The following ADORA1 variants were observed in gnomAD, a reference collection of about 807,000 sequenced individuals.
ADORA1 encodes the protein adenosine receptor A1.
Under a neutral mutation model 19.9 loss-of-function variants are expected in ADORA1, and 6 were observed. The observed-to-expected ratio is 0.30, with a 90% CI of 0.17 to 0.59. ADORA1 has a LOEUF of 0.59. Among genes scored for constraint, ADORA1 ranks in the 20% least tolerant of loss-of-function variants. The pLI, the probability that ADORA1 is intolerant of heterozygous loss-of-function variation, is 0.87. For missense variants in ADORA1, 302 were observed against 439.2 expected (o/e 0.69, Z 2.79); for synonymous variants, 194 against 188.4 (o/e 1.03, Z -0.24).
rs900500802 is a variant in ADORA1 at position 203,128,366 on chromosome 1, C to T, written c.-124C>T. On this transcript the variant is annotated 5_prime_UTR_variant, in exon 2 of 4. Coordinates refer to ENST00000337894, the MANE Select transcript of ADORA1 (RefSeq NM_000674.3). The surrounding 1 kb of genome is among the most constrained non-coding windows in gnomAD (Gnocchi z 5.9). The stretch of plus-strand genomic sequence containing the variant: ...CCAGCCCAGCCCTACCGCGCGCGGC[C>T]CGGAGCTCTGTTCCCTGGAACTTTG... 7.8e-6 allele frequency: 10 copies of T among 1,290,300 alleles called. No individual in the cohort carries two copies. The highest frequency in any genetic ancestry group is 9.1e-6 in the Non-Finnish European group (9 of 989,456). The allele number at this position is 1,290,300 out of a possible 1,614,324, so 79.9% of individuals were successfully genotyped here.
chr1:203,148,946 C>T (rs112993339), intron 3 of ADORA1, among the ~76,000 whole-genome samples: 4,737 of 152,102 alleles, frequency 0.031, 112 homozygotes, highest in Middle Eastern at 0.051. Flanking sequence ...GGCATGATTT[C>T]GGCTCACTGC....
chr1:203,133,261 A>C (rs2102736181), intron 3 of ADORA1, among the ~76,000 whole-genome samples: 1 of 152,212 alleles, frequency 6.6e-6, no homozygotes, highest in East Asian at 1.9e-4. Flanking sequence ...TTACAGGTGC[A>C]TGCCACCATG....
intron 3 of ADORA1, among the ~76,000 whole-genome samples, chr1:203,143,207 G>T (rs10158984): frequency 0.013 from 1,931 of 152,300 alleles, 63 homozygotes; most frequent in East Asian, 0.11. Context: ...GCACAGTGCT[G>T]GGGTCTGATG....
intron 3 of ADORA1, among the ~76,000 whole-genome samples, chr1:203,152,115 C>T (rs1484794165): frequency 1.3e-5 from 2 of 152,228 alleles, no homozygotes; most frequent in East Asian, 3.9e-4. Context: ...CTCATTCAAT[C>T]CCTCATCATC....
intron 3 of ADORA1, among the ~76,000 whole-genome samples, chr1:203,150,986 C>T (rs1451977699): frequency 6.6e-6 from 1 of 152,220 alleles, no homozygotes; most frequent in Non-Finnish European, 1.5e-5. Flanking sequence ...AGCAGGCATC[C>T]AACCTGCTTT....
At chr1:203,137,200 C>T (rs1571785891) in intron 3 of ADORA1, among the ~76,000 whole-genome samples, 1 of 152,170 alleles carries the variant, frequency 6.6e-6, no homozygotes, top group South Asian at 2.1e-4. Context: ...TGAGGGAACA[C>T]ACCATGCAGA....
rs554962219 is a variant in ADORA1 at position 203,156,020 on chromosome 1, C to T, written c.342-9241C>T. ...GTTGCAGGTCCTTGAGCAATCATTT[C>T]TGAATAAGTGGATGTATGGTTTCAT... On this transcript the variant is annotated intron_variant, in intron 3 of 3. Coordinates refer to ENST00000337894, the MANE Select transcript of ADORA1 (RefSeq NM_000674.3). Among the ~76,000 whole-genome samples, 68 of 152,346 alleles carry T rather than the reference C, an allele frequency of 4.5e-4. 1 individual carries two copies. Among genetic ancestry groups the T allele is most frequent in the African/African-American group, 1.6e-3 (67 of 41,584 alleles).
At chr1:203,133,998 C>T (rs1654425387) in intron 3 of ADORA1, among the ~76,000 whole-genome samples, 2 of 152,214 alleles carry the variant, frequency 1.3e-5, no homozygotes, top group Admixed American at 1.3e-4. Flanking sequence ...GCTCTCAGGT[C>T]ATGCCTTCTG....
At chr1:203,139,927 G>C (rs1385639172) in intron 3 of ADORA1, among the ~76,000 whole-genome samples, 1 of 152,214 alleles carries the variant, frequency 6.6e-6, no homozygotes, top group Non-Finnish European at 1.5e-5. Context: ...TCATGGTCAA[G>C]AGTTTGGATT....
Position 203,165,759 on chromosome 1 carries a change from C to T in ADORA1, c.840C>T (p.Asn280=). The T allele has an allele frequency of 6.2e-7, 1 of 1,614,014 alleles. No individual in the cohort carries two copies. Among genetic ancestry groups the T allele is most frequent in the Non-Finnish European group, 8.5e-7 (1 of 1,179,888 alleles). Reference sequence around the variant, plus strand: ...TTGCCATCTTCCTCACGCACGGCAACTCGGCCATGAACCCCATTGTCTATG... The same window carrying T: ...TTGCCATCTTCCTCACGCACGGCAATTCGGCCATGAACCCCATTGTCTATG... ...TYIAIFLTHG[N]SAMNPIVYAF... Residue 280 remains asparagine (N), a synonymous_variant, in exon 4 of 4, where the codon AAC becomes AAT. Coordinates refer to ENST00000337894, the MANE Select transcript of ADORA1 (RefSeq NM_000674.3). The surrounding 1 kb of genome is among the most constrained non-coding windows in gnomAD (Gnocchi z 5.9).
Position 203,128,792 on chromosome 1 carries a change from C to G in ADORA1, c.-50C>G. The G allele has an allele frequency of 6.5e-7, 1 of 1,546,890 alleles. No homozygotes were observed. On this transcript the variant is annotated 5_prime_UTR_variant, in exon 3 of 4. Coordinates refer to ENST00000337894, the MANE Select transcript of ADORA1 (RefSeq NM_000674.3). This position sits in a 1 kb window ranked among gnomAD's most constrained non-coding sequence, Gnocchi z 5.9. ...GCTTCCCTGACCACACAGGTGCTTG[C>G]CTCGTGCCCCTTGGTGCCCGTCTGC...
At chr1:203,158,760 C>CT (rs368212714) in intron 3 of ADORA1, among the ~76,000 whole-genome samples, 1 of 152,294 alleles carries the variant, frequency 6.6e-6, no homozygotes, top group African/African-American at 2.4e-5. Context: ...TTTCTGGAAG[C>CT]TGAGAAGTCC....
intron 3 of ADORA1, among the ~76,000 whole-genome samples, chr1:203,133,541 T>C (rs1210595095): frequency 1.3e-5 from 2 of 152,250 alleles, no homozygotes; most frequent in Non-Finnish European, 2.9e-5. Context: ...CTTTAACCAG[T>C]AAGCCCATGT....
chr1:203,134,946 T>C (rs903072708), intron 3 of ADORA1, among the ~76,000 whole-genome samples: 2 of 152,234 alleles, frequency 1.3e-5, no homozygotes, highest in African/African-American at 4.8e-5. Context: ...CGGTATAATA[T>C]TGGATTGTAT....
In ADORA1 at chr1:203,128,173, C is replaced by G. The variant is rs1423421387; in HGVS notation, c.-212-105C>G. The G allele has an allele frequency of 6.5e-6, 3 of 461,616 alleles. No individual in the cohort carries two copies. The highest frequency in any genetic ancestry group is 1.1e-5 in the Non-Finnish European group (3 of 278,056). The allele number at this position is 461,616 out of a possible 1,614,324, so 28.6% of individuals were successfully genotyped here. On this transcript the variant is annotated intron_variant, in intron 1 of 3. Transcript: ENST00000337894. This position sits in a 1 kb window ranked among gnomAD's most constrained non-coding sequence, Gnocchi z 5.9. ...CCCAGCCTTGTCCTGGGCTCCGTCC[C>G]CAGACCCACGTCTGCCACCCCAGTC... is the stretch of plus-strand genomic sequence containing the variant.
intron 3 of ADORA1, among the ~76,000 whole-genome samples, chr1:203,131,281 C>T (rs371924950): frequency 1.2e-4 from 19 of 152,188 alleles, no homozygotes; most frequent in East Asian, 7.7e-4. Context: ...CAAACACATA[C>T]GCAACACATC....
At chr1:203,133,105 T>C (rs1475971094) in intron 3 of ADORA1, among the ~76,000 whole-genome samples, 2 of 152,030 alleles carry the variant, frequency 1.3e-5, no homozygotes, top group African/African-American at 2.4e-5. Flanking sequence ...ACCCCCATTG[T>C]ATAGACAATT....
rs201801522 is a variant in ADORA1, at chr1:203,166,325, C to T, written c.*425C>T. 21 of 163,636 alleles carry T rather than the reference C, an allele frequency of 1.3e-4. No homozygotes were observed. The highest frequency in any genetic ancestry group is 2.0e-4 in the Non-Finnish European group (15 of 76,282). The allele number at this position is 163,636 out of a possible 1,614,324, so 10.1% of individuals were successfully genotyped here. A position where few individuals can be genotyped will look rare whatever the true frequency, so the allele number is the denominator to read the frequency against. ...TGTCTTAGATGTTGGTGGTGCAGCC[C>T]CAGGACCAAGCTTAAGGAGAGGAGA... On this transcript the variant is annotated 3_prime_UTR_variant, in exon 4 of 4. Transcript: ENST00000337894.
At chr1:203,149,379 A>G (rs1291218749) in intron 3 of ADORA1, among the ~76,000 whole-genome samples, 1 of 152,222 alleles carries the variant, frequency 6.6e-6, no homozygotes, top group Non-Finnish European at 1.5e-5. Flanking sequence ...TTTATTGATC[A>G]ACCCTCAGAG....
Sources: allele counts gnomAD v4.1 joint callset (sites outside exome capture counted in the v4.1 genomes callset), GRCh38; gene constraint gnomAD v4.1.1; non-coding constraint Gnocchi (gnomAD v3.1); transcripts MANE v1.5; gene names NCBI Gene and HGNC (gene_info 2026-07-23, HGNC 2026-07-21).